NCALD: variants seen among roughly 807,000 people sequenced by gnomAD.
NCALD encodes the protein neurocalcin-delta.
Under a neutral mutation model 18.6 loss-of-function variants are expected in NCALD, and 10 were observed. That is an observed-to-expected ratio of 0.54 (90% CI 0.33 to 0.91). NCALD has a LOEUF of 0.91. Among genes scored for constraint, NCALD ranks in the 40% least tolerant of loss-of-function variants. The pLI is 0.03. For synonymous variants in NCALD, 88 were observed against 87.4 expected (o/e 1.01, Z -0.04); for missense variants, 184 against 247.6 (o/e 0.74, Z 1.72).
At chr8:101,942,792 C>T (rs1423087132) in intron 2 of NCALD, among the ~76,000 whole-genome samples, 1 of 152,190 alleles carries the variant, frequency 6.6e-6, no homozygotes, top group Non-Finnish European at 1.5e-5. Context: ...GGTCACATAG[C>T]AAGTAGGTGG....
intron 4 of NCALD, among the ~76,000 whole-genome samples, chr8:101,812,653 G>A (rs565467133): frequency 6.6e-5 from 10 of 152,296 alleles, no homozygotes; most frequent in African/African-American, 2.2e-4. Flanking sequence ...AAACGAAGAT[G>A]TATGACCCAT....
intron 1 of NCALD, among the ~76,000 whole-genome samples, chr8:101,776,888 C>T (rs114064557): frequency 1.3e-5 from 2 of 152,266 alleles, no homozygotes; most frequent in African/African-American, 4.8e-5. Context: ...TCTATTTAGA[C>T]CTGCACTCAC....
chr8:102,076,061 A>G (rs77925464), intron 1 of NCALD, among the ~76,000 whole-genome samples: 9,163 of 151,976 alleles, frequency 0.06, 405 homozygotes, highest in Non-Finnish European at 0.092. Context: ...AAATAAAACT[A>G]TTATGAAATA....
rs559914152 is a variant in NCALD, at chr8:102,086,361, A to T, written c.-210+37876T>A. ...ATTTTGAGATTAAACAAACCTGTAG[A>T]ACAGAGGCCTCTTATTCCCAATGAA... On this transcript the variant is annotated intron_variant, in intron 1 of 6. Coordinates refer to the NCALD transcript ENST00000311028. Among the ~76,000 whole-genome samples, 3 of 152,360 alleles carry T rather than the reference A, an allele frequency of 2.0e-5. No homozygotes were observed. The South Asian group carries it at 6.2e-4, about 32-fold the overall frequency.
intron 2 of NCALD, chr8:101,693,242 A>G (rs962400541): frequency 2.8e-5 from 5 of 181,022 alleles, no homozygotes; most frequent in African/African-American, 1.3e-4. Flanking sequence ...GCTCCATTTC[A>G]TAGGCTCAAG....
chr8:101,977,299 A>G (rs79778198), intron 2 of NCALD, among the ~76,000 whole-genome samples: 3,276 of 152,062 alleles, frequency 0.022, 121 homozygotes, highest in African/African-American at 0.073. Flanking sequence ...ACAAGTCTCC[A>G]TTTTCTATTT....
chr8:101,858,620 G>A (rs952668276), intron 4 of NCALD, among the ~76,000 whole-genome samples: 1 of 152,094 alleles, frequency 6.6e-6, no homozygotes, highest in Non-Finnish European at 1.5e-5. Flanking sequence ...TCAGCATCTA[G>A]AATGTCAGCA....
intron 2 of NCALD, among the ~76,000 whole-genome samples, chr8:101,972,391 G>A (rs76005037): frequency 0.019 from 2,837 of 152,216 alleles, 80 homozygotes; most frequent in African/African-American, 0.065. Flanking sequence ...TTGTTGTGGG[G>A]ATTAAATGAG....
At chr8:102,107,270 C>T (rs1430959268) in intron 1 of NCALD, among the ~76,000 whole-genome samples, 1 of 130,596 alleles carries the variant, frequency 7.7e-6, no homozygotes, top group Non-Finnish European at 1.6e-5. Context: ...AATCTGTTCC[C>T]CAAAATGCAT....
intron 2 of NCALD, among the ~76,000 whole-genome samples, chr8:102,000,107 C>T (rs1459835107): frequency 6.6e-6 from 1 of 152,206 alleles, no homozygotes; most frequent in Non-Finnish European, 1.5e-5. Flanking sequence ...CCAGGAAGTG[C>T]AAGGGGTTGG....
chr8:101,955,259 G>A (rs190953562), intron 2 of NCALD, among the ~76,000 whole-genome samples: 3 of 152,222 alleles, frequency 2.0e-5, no homozygotes, highest in Admixed American at 6.5e-5. Flanking sequence ...GGGGGAGGAC[G>A]TTGGCCCTAG....
intron 2 of NCALD, among the ~76,000 whole-genome samples, chr8:101,995,318 C>T (rs908156813): frequency 3.3e-5 from 5 of 152,182 alleles, no homozygotes; most frequent in Admixed American, 6.5e-5. Context: ...AAACTAAACC[C>T]GGACTCTATA....
intron 2 of NCALD, among the ~76,000 whole-genome samples, chr8:101,922,722 G>C (rs1014909220): frequency 7.2e-5 from 11 of 152,122 alleles, no homozygotes; most frequent in Non-Finnish European, 1.3e-4. Flanking sequence ...AGAACCCCAA[G>C]TGGATGCCTA....
At chr8:102,008,474 TAAAA>T (rs34867950) in intron 2 of NCALD, among the ~76,000 whole-genome samples, 1 of 133,356 alleles carries the variant, frequency 7.5e-6, no homozygotes. Flanking sequence ...TAAAGGCAGT[TAAAA>T]AAAAAAAAAA....
chr8:101,994,075 T>C (rs1821149536), intron 2 of NCALD, among the ~76,000 whole-genome samples: 1 of 152,164 alleles, frequency 6.6e-6, no homozygotes, highest in South Asian at 2.1e-4. Flanking sequence ...CATAAGAATA[T>C]CTTTAGGCAG....
intron 1 of NCALD, among the ~76,000 whole-genome samples, chr8:101,758,667 T>C (rs1810986249): frequency 6.6e-6 from 1 of 152,170 alleles, no homozygotes; most frequent in African/African-American, 2.4e-5. Context: ...GCACCTCTCA[T>C]ACCTCTCGGA....
intron 2 of NCALD, among the ~76,000 whole-genome samples, chr8:101,939,645 C>G (rs891803492): frequency 2.0e-5 from 3 of 152,144 alleles, no homozygotes; most frequent in Non-Finnish European, 2.9e-5. Flanking sequence ...CAACCCTATC[C>G]AAATAGCTAC....
At chr8:102,075,294 A>G (rs1170005902) in intron 1 of NCALD, among the ~76,000 whole-genome samples, 1 of 152,236 alleles carries the variant, frequency 6.6e-6, no homozygotes, top group Admixed American at 6.5e-5. Flanking sequence ...ATATTTATGG[A>G]AACATAACTA....
At chr8:101,736,211 G>GC (rs1809908149) in intron 1 of NCALD, among the ~76,000 whole-genome samples, 1 of 152,110 alleles carries the variant, frequency 6.6e-6, no homozygotes, top group South Asian at 2.1e-4. Context: ...GTCCTGCTCT[G>GC]CTGAGAAGCT....
Sources: allele counts gnomAD v4.1 joint callset (sites outside exome capture counted in the v4.1 genomes callset), GRCh38; gene constraint gnomAD v4.1.1; transcripts MANE v1.5; gene names NCBI Gene and HGNC (gene_info 2026-07-23, HGNC 2026-07-21).